Variants in ATP8A1 observed in about 807,000 individuals in gnomAD.
The protein encoded by ATP8A1 is ATPase phospholipid transporting 8A1.
ATP8A1 carries 90 observed loss-of-function variants against 177.7 expected under a neutral mutation model. That is an observed-to-expected ratio of 0.51 (90% CI 0.43 to 0.60). ATP8A1 has a LOEUF of 0.60. ATP8A1 is among the 20% of genes least tolerant of loss of function. The pLI is 0.00. For synonymous variants in ATP8A1, 493 were observed against 485.9 expected (o/e 1.01, Z -0.19); for missense variants, 1,072 against 1,392.8 (o/e 0.77, Z 3.67).
intron 4 of ATP8A1, 26 bp downstream of exon 4, chr4:42,624,510 C>A: frequency 8.0e-7 from 1 of 1,247,460 alleles, no homozygotes; most frequent in South Asian, 1.7e-5. Flanking sequence ...AAGTCACATA[C>A]AATTATGAAA....
At chr4:42,537,176 C>T (rs1264136953) in intron 20 of ATP8A1, among the ~76,000 whole-genome samples, 1 of 150,392 alleles carries the variant, frequency 6.6e-6, no homozygotes, top group Non-Finnish European at 1.5e-5. Flanking sequence ...CCCACGTGAT[C>T]ATCTCAATAG....
At chr4:42,439,248 G>A (rs1716356365) in intron 33 of ATP8A1, among the ~76,000 whole-genome samples, 1 of 152,156 alleles carries the variant, frequency 6.6e-6, no homozygotes, top group Non-Finnish European at 1.5e-5. Context: ...TTAGGAATTG[G>A]AAGACAAACT....
chr4:42,478,170 C>CTG (rs1721281121), intron 25 of ATP8A1, among the ~76,000 whole-genome samples: 1 of 152,026 alleles, frequency 6.6e-6, no homozygotes, highest in South Asian at 2.1e-4. Flanking sequence ...GCCTGGGCAA[C>CTG]ATGATAAAAC....
chr4:42,497,334 A>T (rs1483026203), intron 24 of ATP8A1, among the ~76,000 whole-genome samples: 1 of 152,196 alleles, frequency 6.6e-6, no homozygotes, highest in Non-Finnish European at 1.5e-5. Flanking sequence ...CTGTCATTTT[A>T]TGCGTGTGCT....
At chr4:42,621,162 C>T (rs138655735) in intron 4 of ATP8A1, among the ~76,000 whole-genome samples, 237 of 152,334 alleles carry the variant, frequency 1.6e-3, no homozygotes, top group Middle Eastern at 0.01. Context: ...GTCTCTTACA[C>T]TTCTCAGCTA....
At chr4:42,460,099 G>C (rs974952151) in intron 27 of ATP8A1, among the ~76,000 whole-genome samples, 2 of 151,980 alleles carry the variant, frequency 1.3e-5, no homozygotes, top group Non-Finnish European at 2.9e-5. Context: ...CCTGTATTAG[G>C]TTATTTTATC....
chr4:42,624,699 A>C, intron 3 of ATP8A1, 65 bp from the exon 4 acceptor site: 3 of 903,778 alleles, frequency 3.3e-6, no homozygotes, highest in Non-Finnish European at 4.8e-6. Context: ...TAGATTCAAG[A>C]AAACAGTCTC....
intron 1 of ATP8A1, among the ~76,000 whole-genome samples, chr4:42,634,741 A>G (rs1317792404): frequency 6.6e-6 from 1 of 152,156 alleles, no homozygotes; most frequent in African/African-American, 2.4e-5. Flanking sequence ...CATATGCAAA[A>G]ATTCTAGCTA....
At chr4:42,568,844 G>C (rs1731614527) in intron 15 of ATP8A1, among the ~76,000 whole-genome samples, 1 of 152,070 alleles carries the variant, frequency 6.6e-6, no homozygotes, top group African/African-American at 2.4e-5. Flanking sequence ...AAACCTGACG[G>C]CTTCAGGAGC....
At chr4:42,442,666 A>G (rs1358347294) in intron 33 of ATP8A1, among the ~76,000 whole-genome samples, 1 of 152,220 alleles carries the variant, frequency 6.6e-6, no homozygotes, top group Non-Finnish European at 1.5e-5. Flanking sequence ...AAAAAGCAGG[A>G]TGCTGTCAGA....
At chr4:42,515,218 A>G (rs1439094197) in intron 22 of ATP8A1, among the ~76,000 whole-genome samples, 9 of 152,234 alleles carry the variant, frequency 5.9e-5, no homozygotes, top group African/African-American at 1.2e-4. Context: ...CAAATAGAAC[A>G]GGAAACTACT....
intron 1 of ATP8A1, among the ~76,000 whole-genome samples, chr4:42,634,320 T>A (rs1316996133): frequency 2.0e-5 from 3 of 152,220 alleles, no homozygotes; most frequent in African/African-American, 7.2e-5. Context: ...ATCTGACCCA[T>A]AATGTTTTAT....
intron 1 of ATP8A1, among the ~76,000 whole-genome samples, chr4:42,631,895 CA>C (rs1738776344): frequency 6.6e-6 from 1 of 152,128 alleles, no homozygotes; most frequent in African/African-American, 2.4e-5. Context: ...GGAGACATCT[CA>C]AAATGGCCCA....
At chr4:42,529,313 G>A (rs1727018066) in intron 20 of ATP8A1, among the ~76,000 whole-genome samples, 1 of 152,162 alleles carries the variant, frequency 6.6e-6, no homozygotes, top group Non-Finnish European at 1.5e-5. Flanking sequence ...ATAATCTGCA[G>A]GTAACTACTC....
At chr4:42,570,622 C>G (rs1388268653) in intron 14 of ATP8A1, among the ~76,000 whole-genome samples, 1 of 152,224 alleles carries the variant, frequency 6.6e-6, no homozygotes, top group South Asian at 2.1e-4. Flanking sequence ...TGGAAGAATG[C>G]TGAGCACTAC....
In ATP8A1 at chr4:42,507,080, T is replaced by G; in HGVS notation, c.2022A>C (p.Leu674=). Residue 674 remains leucine, a synonymous_variant, in exon 23 of 37, where the codon CTA becomes CTC. Transcript: ENST00000381668. ...QDQVPETIET[L]MKADIKIWIL... ...TCCAGATTTTGATGTCTGCTTTCAT[T>G]AGCGTTTCTATGGTTTCAGGCACTT... 6.2e-7 allele frequency: 1 copy of G among 1,614,094 alleles called. No individual in the cohort carries two copies. The highest frequency in any genetic ancestry group is 8.5e-7 in the Non-Finnish European group (1 of 1,179,942).
intron 22 of ATP8A1, among the ~76,000 whole-genome samples, chr4:42,519,903 G>A (rs1725933972): frequency 6.6e-6 from 1 of 152,142 alleles, no homozygotes; most frequent in Middle Eastern, 3.2e-3. Flanking sequence ...TTACATGGAT[G>A]CATATAGACA....
At chr4:42,519,757 A>G (rs761081281) in intron 22 of ATP8A1, among the ~76,000 whole-genome samples, 4 of 152,276 alleles carry the variant, frequency 2.6e-5, no homozygotes, top group Middle Eastern at 3.4e-3. Flanking sequence ...ATCTTTCCGG[A>G]TCTTAGATTT....
rs555236246 is a variant in ATP8A1 at position 42,466,370 on chromosome 4, G to A, written c.2325-1294C>T. ...TGAAGATCACCACTTTGAGAGAATC[G>A]ATACAACTTTGTCCATTTTCCTGAT... On this transcript the variant is annotated intron_variant, in intron 25 of 36. Transcript: ENST00000381668. Among the ~76,000 whole-genome samples the A allele has an allele frequency of 2.6e-5, 4 of 152,214 alleles. No individual in the cohort carries two copies. In the East Asian group the frequency reaches 5.8e-4, roughly 22 times the overall value.
Sources: gnomAD v4.1 joint callset for allele counts (sites outside exome capture counted in the v4.1 genomes callset) on GRCh38, gnomAD v4.1.1 for gene constraint, MANE v1.5 for transcripts, NCBI Gene and HGNC (gene_info 2026-07-23, HGNC 2026-07-21) for gene names.